Variants in CACNA2D1 observed in about 807,000 individuals in gnomAD.
CACNA2D1 encodes the protein calcium voltage-gated channel auxiliary subunit alpha2delta 1.
A neutral mutation model predicts 171.5 loss-of-function variants in CACNA2D1; 53 were observed. The observed-to-expected ratio is 0.31, with a 90% CI of 0.25 to 0.39. The LOEUF (loss-of-function observed/expected upper bound fraction) is 0.39, where lower values mean the gene tolerates loss of function less well. Among genes scored for constraint, CACNA2D1 ranks in the 10% least tolerant of loss-of-function variants. CACNA2D1 has a pLI of 1.00. For synonymous variants in CACNA2D1, 442 were observed against 443.1 expected, an observed-to-expected ratio of 1.00 and a Z score of 0.03; for missense variants, 903 against 1,299.8, an observed-to-expected ratio of 0.69 and a Z score of 4.69.
rs555833857 is a variant in CACNA2D1, at chr7:82,026,774, A to G, written c.1143+6023T>C. On this transcript the variant is annotated intron_variant, in intron 12 of 38. Coordinates refer to ENST00000356860, the MANE Select transcript of CACNA2D1 (RefSeq NM_000722.4). ...CATATTTGAAGATGGTGAAAAATAT[A>G]TAATGTACATATGTACACTATTTTA... 2.6e-5 allele frequency among the ~76,000 whole-genome samples: 4 copies of G among 151,890 alleles called. No individual in the cohort carries two copies. The South Asian group carries it at 6.2e-4, about 24-fold the overall frequency.
chr7:82,431,957 G>C (rs1829719134), intron 1 of CACNA2D1, among the ~76,000 whole-genome samples: 1 of 147,482 alleles, frequency 6.8e-6, no homozygotes, highest in African/African-American at 2.5e-5. Flanking sequence ...AGAATCACTT[G>C]AACCCAGGAG....
intron 1 of CACNA2D1, among the ~76,000 whole-genome samples, chr7:82,396,073 T>C (rs957030978): frequency 3.3e-5 from 5 of 152,230 alleles, no homozygotes. Context: ...AATGTTCCTA[T>C]GCATAACTCA....
At chr7:82,099,356 T>C (rs1812337561) in intron 6 of CACNA2D1, among the ~76,000 whole-genome samples, 1 of 151,854 alleles carries the variant, frequency 6.6e-6, no homozygotes, top group Non-Finnish European at 1.5e-5. Flanking sequence ...ATTTTATTAC[T>C]GTTTAATATA....
intron 1 of CACNA2D1, among the ~76,000 whole-genome samples, chr7:82,430,840 A>G (rs1387136950): frequency 6.6e-6 from 1 of 152,184 alleles, no homozygotes; most frequent in African/African-American, 2.4e-5. Context: ...TTCTATAAAC[A>G]TCCTGGATAG....
At chr7:82,150,279 C>CA (rs1473673956) in intron 4 of CACNA2D1, among the ~76,000 whole-genome samples, 3 of 62,838 alleles carry the variant, frequency 4.8e-5, no homozygotes, top group Non-Finnish European at 8.2e-5. Context: ...ACAAAAACAA[C>CA]AACAAAAAAA....
chr7:82,080,953 CATATT>C (rs1179330222), intron 7 of CACNA2D1, among the ~76,000 whole-genome samples: 1 of 152,172 alleles, frequency 6.6e-6, no homozygotes, highest in Non-Finnish European at 1.5e-5. Context: ...TACTTTTCAT[CATATT>C]ATCTCATTGA....
intron 1 of CACNA2D1, among the ~76,000 whole-genome samples, chr7:82,375,899 TA>T (rs1366076738): frequency 6.6e-6 from 1 of 152,122 alleles, no homozygotes; most frequent in African/African-American, 2.4e-5. Flanking sequence ...GGAGGAAGCT[TA>T]ATGACTGAAA....
chr7:82,082,401 G>C, intron 7 of CACNA2D1, among the ~76,000 whole-genome samples: 1 of 152,064 alleles, frequency 6.6e-6, no homozygotes, highest in Non-Finnish European at 1.5e-5. Context: ...GATGTCAGGT[G>C]GTCTCTTACT....
At position 82,335,115 on chromosome 7, in the gene CACNA2D1, C is replaced by G. The variant is rs745954855; in HGVS notation, c.294+20G>C. ...TAAGTAAGGAAAATAATAAAATGAG[C>G]AGATCCAATTTAAACTCACCACCAG... is the stretch of plus-strand genomic sequence containing the variant. On this transcript the variant is annotated intron_variant, in intron 3 of 38. Transcript: ENST00000356860. 2.9e-6 allele frequency: 4 copies of G among 1,365,754 alleles called. No homozygotes were observed. In the Admixed American group the frequency reaches 5.0e-5, roughly 17 times the overall value. The allele number at this position is 1,365,754 out of a possible 1,614,324, so 84.6% of individuals were successfully genotyped here.
chr7:82,329,755 A>G (rs1257129536), intron 3 of CACNA2D1, among the ~76,000 whole-genome samples: 1 of 152,166 alleles, frequency 6.6e-6, no homozygotes, highest in African/African-American at 2.4e-5. Flanking sequence ...TTCCTGAGAT[A>G]TAGACGTAGC....
At chr7:82,441,173 G>C (rs1830478131) in intron 1 of CACNA2D1, among the ~76,000 whole-genome samples, 1 of 151,920 alleles carries the variant, frequency 6.6e-6, no homozygotes, top group African/African-American at 2.4e-5. Flanking sequence ...ACATCTTTAT[G>C]AAAAATATTG....
rs993302 is a variant in CACNA2D1, at chr7:82,038,488, A to G, written c.880-253T>C. ...GCTTTCCCTGCTTATAAATTTGAGAATTAAATTATATGACATCCCTTCTAG... is the reference window on the plus strand; with the variant it reads ...GCTTTCCCTGCTTATAAATTTGAGAGTTAAATTATATGACATCCCTTCTAG... On this transcript the variant is annotated intron_variant, in intron 10 of 38. Coordinates refer to ENST00000356860, the MANE Select transcript of CACNA2D1 (RefSeq NM_000722.4). Among the ~76,000 whole-genome samples the G allele has an allele frequency of 0.95, 144,347 of 152,200 alleles. 68,906 individuals carry two copies. Among genetic ancestry groups the G allele is most frequent in the East Asian group, 1 (5,158 of 5,160 alleles).
At chr7:82,441,012 T>A (rs574345953) in intron 1 of CACNA2D1, among the ~76,000 whole-genome samples, 1 of 151,636 alleles carries the variant, frequency 6.6e-6, no homozygotes, top group East Asian at 1.9e-4. Context: ...CCGAGAGAAA[T>A]TTACATACAG....
At chr7:82,335,683 G>C (rs1209565241) in intron 2 of CACNA2D1, among the ~76,000 whole-genome samples, 1 of 152,028 alleles carries the variant, frequency 6.6e-6, no homozygotes, top group Non-Finnish European at 1.5e-5. Context: ...GCTACAGAAC[G>C]GAGAGAGAGA....
At chr7:82,206,060 T>C (rs187174068) in intron 3 of CACNA2D1, among the ~76,000 whole-genome samples, 1 of 152,110 alleles carries the variant, frequency 6.6e-6, no homozygotes, top group African/African-American at 2.4e-5. Flanking sequence ...AAGTATATGA[T>C]TCTTCTATTA....
chr7:82,125,365 G>T (rs560778647), intron 5 of CACNA2D1, among the ~76,000 whole-genome samples: 9 of 152,292 alleles, frequency 5.9e-5, no homozygotes, highest in African/African-American at 1.7e-4. Context: ...AAATAGCACA[G>T]TTTGCTGGCA....
chr7:82,266,108 A>G (rs1448893168), intron 3 of CACNA2D1, among the ~76,000 whole-genome samples: 1 of 152,178 alleles, frequency 6.6e-6, no homozygotes, highest in African/African-American at 2.4e-5. Flanking sequence ...GGAGCCATTC[A>G]GTTACCTTGA....
At chr7:82,072,497 C>A (rs574914534) in intron 7 of CACNA2D1, among the ~76,000 whole-genome samples, 1 of 151,798 alleles carries the variant, frequency 6.6e-6, no homozygotes, top group East Asian at 2.0e-4. Context: ...TACATGGTCC[C>A]AAGTAATCAG....
chr7:82,120,640 G>A lies in CACNA2D1; in HGVS notation c.397-3467C>T, dbSNP rs145641089. On this transcript the variant is annotated intron_variant, in intron 5 of 38. Coordinates refer to ENST00000356860, the MANE Select transcript of CACNA2D1 (RefSeq NM_000722.4). Reference sequence around the variant, plus strand: ...ACTTGTAATTCTGGCACTTTGGGAGGCCAAGGCAGGTGGATCACGAGGTCA... The same window carrying A: ...ACTTGTAATTCTGGCACTTTGGGAGACCAAGGCAGGTGGATCACGAGGTCA... 3.8e-4 allele frequency among the ~76,000 whole-genome samples: 58 copies of A among 152,168 alleles called. 1 individual carries two copies. In the East Asian group the frequency reaches 0.01, roughly 27 times the overall value.
Sources: gnomAD v4.1 joint callset for allele counts (sites outside exome capture counted in the v4.1 genomes callset) on GRCh38, gnomAD v4.1.1 for gene constraint, MANE v1.5 for transcripts, NCBI Gene and HGNC (gene_info 2026-07-23, HGNC 2026-07-21) for gene names.